ROCK1: variants seen among roughly 807,000 people sequenced by gnomAD.
ROCK1 encodes Rho associated coiled-coil containing protein kinase 1.
Under a neutral mutation model 196.8 loss-of-function variants are expected in ROCK1, and 36 were observed. The ratio of observed to expected loss-of-function variants is 0.18; its 90% confidence interval spans 0.14 to 0.24. The LOEUF (loss-of-function observed/expected upper bound fraction) is 0.24, where lower values mean the gene tolerates loss of function less well. Among genes scored for constraint, ROCK1 ranks in the 10% least tolerant of loss-of-function variants. ROCK1 has a pLI of 1.00. For missense variants in ROCK1, 920 were observed against 1,562.0 expected, an observed-to-expected ratio of 0.59 and a Z score of 6.93; for synonymous variants, 443 against 515.9, an observed-to-expected ratio of 0.86 and a Z score of 1.91.
intron 4 of ROCK1, among the ~76,000 whole-genome samples, chr18:21,045,912 T>G (rs1340390054): frequency 4.5e-5 from 6 of 132,576 alleles, no homozygotes; most frequent in East Asian, 4.3e-4. Context: ...TTTTTTTTTT[T>G]TTTTTTTTTT....
intron 23 of ROCK1, chr18:20,969,843 A>G (rs2035409640): frequency 6.6e-6 from 1 of 152,252 alleles, no homozygotes; most frequent in Non-Finnish European, 1.5e-5. Flanking sequence ...TACAAGAAAA[A>G]TCTAACTCCT....
chr18:21,061,266 G>T (rs147587137), intron 2 of ROCK1, among the ~76,000 whole-genome samples: 63 of 152,150 alleles, frequency 4.1e-4, no homozygotes, highest in African/African-American at 1.5e-3. Context: ...TTTTAATACA[G>T]ACGGGGTTTT....
chr18:21,030,124 T>C (rs2035993631), intron 9 of ROCK1, among the ~76,000 whole-genome samples: 1 of 152,238 alleles, frequency 6.6e-6, no homozygotes, highest in Non-Finnish European at 1.5e-5. Flanking sequence ...CTTTCCTTAA[T>C]GGCCAACAGA....
intron 9 of ROCK1, among the ~76,000 whole-genome samples, chr18:21,034,982 C>A (rs570338005): frequency 7.2e-5 from 11 of 152,248 alleles, no homozygotes; most frequent in African/African-American, 2.2e-4. Flanking sequence ...GAATAGAAAT[C>A]TCTCAAGAGA....
intron 2 of ROCK1, among the ~76,000 whole-genome samples, chr18:21,060,782 T>G (rs1368597016): frequency 5.8e-5 from 8 of 137,112 alleles, no homozygotes; most frequent in Admixed American, 8.5e-5. Context: ...GAGGTTGCCA[T>G]GAGCTGAGAT....
chr18:21,079,938 C>G (rs1374654262), intron 1 of ROCK1, among the ~76,000 whole-genome samples: 1 of 152,150 alleles, frequency 6.6e-6, no homozygotes, highest in Non-Finnish European at 1.5e-5. Flanking sequence ...GCTTTTTCTT[C>G]AAAGTTTTAG....
In ROCK1 at chr18:21,070,523, A is replaced by C. The variant is rs112221909; in HGVS notation, c.175+9T>G. 42 of 1,512,060 alleles carry C rather than the reference A, an allele frequency of 2.8e-5. No individual in the cohort carries two copies. In the Admixed American group the frequency reaches 3.0e-4, roughly 11 times the overall value. The allele number at this position is 1,512,060 out of a possible 1,614,324, so 93.7% of individuals were successfully genotyped here. On this transcript the variant is annotated intron_variant, in intron 2 of 32. Coordinates refer to ENST00000399799, the MANE Select transcript of ROCK1 (RefSeq NM_005406.3). ...AGTCTGTCATTAACCTCCACAAAAA[A>C]TTACTTACATCTGCTTAAAAAGTTG...
At chr18:21,016,326 A>G (rs1486551143) in intron 12 of ROCK1, among the ~76,000 whole-genome samples, 1 of 151,842 alleles carries the variant, frequency 6.6e-6, no homozygotes, top group Non-Finnish European at 1.5e-5. Flanking sequence ...TCATCCATGG[A>G]CTCTTTGGGG....
In ROCK1 at chr18:20,992,952, A is replaced by C. The variant is rs1284022228; in HGVS notation, c.1886-15T>G. Reference sequence around the variant, plus strand: ...TGTAATTCGAGCTATCAAGTGAGAAAAAAGTTCAAGTCTGTAGTCATTGAA... The same window carrying C: ...TGTAATTCGAGCTATCAAGTGAGAACAAAGTTCAAGTCTGTAGTCATTGAA... On this transcript the variant is annotated splice_polypyrimidine_tract_variant and intron_variant, in intron 16 of 32. Coordinates refer to ENST00000399799, the MANE Select transcript of ROCK1 (RefSeq NM_005406.3). 6.5e-7 allele frequency: 1 copy of C among 1,533,570 alleles called. No individual in the cohort carries two copies. The highest frequency in any genetic ancestry group is 9.0e-7 in the Non-Finnish European group (1 of 1,108,676). 95.0% of individuals were successfully genotyped at this position (1,533,570 alleles called of 1,614,324 possible). A position where few individuals can be genotyped will look rare whatever the true frequency, so the allele number is the denominator to read the frequency against.
rs769435215 is a variant in ROCK1 at position 20,992,892 on chromosome 18, T to G, written c.1931A>C (p.Asn644Thr). The G allele has an allele frequency of 7.4e-6, 12 of 1,612,790 alleles. No homozygotes were observed. In the South Asian group the frequency reaches 1.3e-4, roughly 18 times the overall value. ...LQEEVKHLKH[N>T]LEKVEGERKE... is the part of the protein sequence containing the mutation. ...TCTTTCTCCTTCCACTTTTTCGAGA[T>G]TATGTTTGAGATGCTTCACCTCCTC... is the stretch of plus-strand genomic sequence containing the variant. The change falls in exon 17 of 33, where the codon AAT (asparagine) becomes ACT (threonine). Residue 644 changes from asparagine to threonine, a missense_variant. Transcript: ENST00000399799.
intron 13 of ROCK1, among the ~76,000 whole-genome samples, chr18:21,008,430 C>T (rs1308791771): frequency 6.6e-6 from 1 of 152,178 alleles, no homozygotes; most frequent in African/African-American, 2.4e-5. Context: ...CGCACCACTG[C>T]GTCCAGCTAA....
intron 2 of ROCK1, among the ~76,000 whole-genome samples, chr18:21,067,544 T>C (rs1255326519): frequency 6.6e-6 from 1 of 151,956 alleles, no homozygotes. Flanking sequence ...TCTGCCAACA[T>C]GTCTGCTAAT....
chr18:21,043,377 C>T (rs1598540797), intron 6 of ROCK1, among the ~76,000 whole-genome samples: 1 of 151,820 alleles, frequency 6.6e-6, no homozygotes, highest in Non-Finnish European at 1.5e-5. Context: ...TACCTATATT[C>T]GCTGGTATTA....
intron 1 of ROCK1, among the ~76,000 whole-genome samples, chr18:21,102,865 C>CAA (rs10718814): frequency 8.1e-6 from 1 of 124,034 alleles, no homozygotes. Context: ...GACCCTGTCT[C>CAA]AAAAAAAAAA....
At position 20,970,491 on chromosome 18, in the gene ROCK1, C is replaced by T; in HGVS notation, c.2677G>A (p.Asp893Asn). The change falls in exon 23 of 33, where the codon GAT becomes AAT. Residue 893 changes from aspartate (D) to asparagine (N), a missense_variant. Physicochemically the swap from Asp to Asn is conservative, Grantham distance 23 (BLOSUM62 1). Coordinates refer to ENST00000399799, the MANE Select transcript of ROCK1 (RefSeq NM_005406.3). The stretch of plus-strand genomic sequence containing the variant: ...GACTCAGCTTTTGTTTCTGCTAGAT[C>T]CAACTGAGTAGCAAGAGTTTCTCTG... ...NEKETLATQL[D>N]LAETKAESEQ... The T allele has an allele frequency of 6.2e-7, 1 of 1,608,258 alleles. No homozygotes were observed. Among genetic ancestry groups the T allele is most frequent in the South Asian group, 1.1e-5 (1 of 90,280 alleles).
At chr18:20,987,664 C>T (rs2035588841) in intron 18 of ROCK1, among the ~76,000 whole-genome samples, 1 of 152,202 alleles carries the variant, frequency 6.6e-6, no homozygotes, top group South Asian at 2.1e-4. Flanking sequence ...GAGAGGTTAA[C>T]TTTTCCATGT....
At chr18:20,999,818 G>C (rs1033235015) in intron 16 of ROCK1, among the ~76,000 whole-genome samples, 1 of 152,160 alleles carries the variant, frequency 6.6e-6, no homozygotes, top group Admixed American at 6.5e-5. Context: ...GTAGAGACAG[G>C]CTTCGCCATG....
At chr18:20,993,205 C>T (rs1308517634) in intron 16 of ROCK1, among the ~76,000 whole-genome samples, 1 of 152,144 alleles carries the variant, frequency 6.6e-6, no homozygotes, top group East Asian at 1.9e-4. Context: ...CAAGTCCTTA[C>T]TGAGTGCTTT....
intron 4 of ROCK1, among the ~76,000 whole-genome samples, chr18:21,048,336 T>C (rs976997045): frequency 6.6e-6 from 1 of 152,152 alleles, no homozygotes; most frequent in Non-Finnish European, 1.5e-5. Flanking sequence ...ATTTCTCTTA[T>C]TATCTCCTCT....
Sources: allele counts gnomAD v4.1 joint callset (sites outside exome capture counted in the v4.1 genomes callset), GRCh38; gene constraint gnomAD v4.1.1; transcripts MANE v1.5; gene names NCBI Gene and HGNC (gene_info 2026-07-23, HGNC 2026-07-21).